Variants in TNKS observed in about 807,000 individuals in gnomAD.
The protein encoded by TNKS is tankyrase.
Under a neutral mutation model 135.8 loss-of-function variants are expected in TNKS, and 72 were observed. The observed-to-expected ratio is 0.53, with a 90% CI of 0.44 to 0.64. The LOEUF (loss-of-function observed/expected upper bound fraction) is 0.64, where lower values mean the gene tolerates loss of function less well. TNKS is among the 30% of genes least tolerant of loss of function. TNKS has a pLI of 0.00. For missense variants in TNKS, 1,769 were observed against 1,674.0 expected, an observed-to-expected ratio of 1.06 and a Z score of -0.99; for synonymous variants, 849 against 649.3, an observed-to-expected ratio of 1.31 and a Z score of -4.68.
intron 3 of TNKS, among the ~76,000 whole-genome samples, chr8:9,667,506 A>G (rs1802051238): frequency 6.6e-6 from 1 of 152,232 alleles, no homozygotes; most frequent in African/African-American, 2.4e-5. Flanking sequence ...TTATAACCAT[A>G]TCATCCTGAG....
chr8:9,777,039 TAAG>T lies in TNKS; in HGVS notation c.*306_*308del. ...TCGATCTAGACTTGGAAATGGAAAA[TAAG>T]AAAACCAATGCTTTTTCAAATGTTC... On this transcript the variant is annotated 3_prime_UTR_variant, in exon 27 of 27. Coordinates refer to ENST00000310430, the MANE Select transcript of TNKS (RefSeq NM_003747.3). 5.9e-6 allele frequency: 2 copies of T among 336,964 alleles called. No homozygotes were observed. Among genetic ancestry groups the T allele is most frequent in the South Asian group, 4.9e-5 (1 of 20,268 alleles). 20.9% of individuals were successfully genotyped at this position (336,964 alleles called of 1,614,324 possible).
chr8:9,686,528 A>G (rs969082902), intron 5 of TNKS, among the ~76,000 whole-genome samples: 2 of 152,192 alleles, frequency 1.3e-5, no homozygotes, highest in African/African-American at 2.4e-5. Flanking sequence ...AATGCTTATT[A>G]TCTATTGGGC....
At chr8:9,613,614 G>A (rs1199048164) in intron 2 of TNKS, among the ~76,000 whole-genome samples, 1 of 152,198 alleles carries the variant, frequency 6.6e-6, no homozygotes, top group Non-Finnish European at 1.5e-5. Context: ...TGCTGTAGAT[G>A]TGTCTGTGTT....
At chr8:9,703,392 C>G (rs560258514) in intron 5 of TNKS, among the ~76,000 whole-genome samples, 1 of 152,292 alleles carries the variant, frequency 6.6e-6, no homozygotes, top group Non-Finnish European at 1.5e-5. Flanking sequence ...TGTATTTTCA[C>G]AGGTTTTTCA....
At position 9,640,687 on chromosome 8, in the gene TNKS, T is replaced by C. The variant is rs900838840; in HGVS notation, c.994+25010T>C. On this transcript the variant is annotated intron_variant, in intron 3 of 26. Transcript: ENST00000310430. Reference sequence around the variant, plus strand: ...TCCTTTTGAGAAAGAAAATAGCACCTAATGTAGGAGCTGGCCTGACATAGC... The same window carrying C: ...TCCTTTTGAGAAAGAAAATAGCACCCAATGTAGGAGCTGGCCTGACATAGC... Among the ~76,000 whole-genome samples, 5 of 146,080 alleles carry C rather than the reference T, an allele frequency of 3.4e-5. 1 individual carries two copies. Among genetic ancestry groups the C allele is most frequent in the Admixed American group, 1.4e-4 (2 of 13,888 alleles).
chr8:9,650,776 C>G (rs767588984), intron 3 of TNKS, among the ~76,000 whole-genome samples: 4 of 152,116 alleles, frequency 2.6e-5, no homozygotes, highest in African/African-American at 9.7e-5. Flanking sequence ...TGTCTGTTTA[C>G]TCTGCTGATG....
At chr8:9,735,352 C>T (rs367597421) in intron 16 of TNKS, 25 bp from the exon 17 acceptor site, 2 of 1,596,534 alleles carry the variant, frequency 1.3e-6, no homozygotes, top group Middle Eastern at 1.7e-4. Context: ...TGACACGTTT[C>T]CTGTATTTTT....
chr8:9,773,163 T>G (rs1808034658), intron 26 of TNKS, among the ~76,000 whole-genome samples: 1 of 152,076 alleles, frequency 6.6e-6, no homozygotes, highest in African/African-American at 2.4e-5. Flanking sequence ...TTCTAGAAAT[T>G]TGTATTGGAA....
chr8:9,634,320 G>A (rs1800421438), intron 3 of TNKS, among the ~76,000 whole-genome samples: 1 of 152,024 alleles, frequency 6.6e-6, no homozygotes, highest in Non-Finnish European at 1.5e-5. Flanking sequence ...AAATTTGAAT[G>A]TAAGCAGAAA....
intron 18 of TNKS, among the ~76,000 whole-genome samples, chr8:9,748,953 CA>C (rs1806380999): frequency 1.3e-5 from 2 of 152,144 alleles, no homozygotes; most frequent in African/African-American, 4.8e-5. Flanking sequence ...AACTAGAAGG[CA>C]GGGGCCTCTC....
chr8:9,736,130 T>G (rs1404429427), intron 17 of TNKS, among the ~76,000 whole-genome samples: 1 of 150,296 alleles, frequency 6.7e-6, no homozygotes, highest in Non-Finnish European at 1.5e-5. Context: ...ATTTCTTAAT[T>G]CTACCTCAAG....
chr8:9,662,196 A>G (rs1216487242), intron 3 of TNKS, among the ~76,000 whole-genome samples: 1 of 152,232 alleles, frequency 6.6e-6, no homozygotes, highest in Admixed American at 6.5e-5. Context: ...GCGATTCCTC[A>G]GGGATCTAGA....
At chr8:9,773,800 T>G (rs1808079331) in intron 26 of TNKS, among the ~76,000 whole-genome samples, 2 of 152,188 alleles carry the variant, frequency 1.3e-5, no homozygotes, top group African/African-American at 4.8e-5. Context: ...CTCTTCCATA[T>G]TCAGGTATAC....
intron 1 of TNKS, among the ~76,000 whole-genome samples, chr8:9,561,207 A>C (rs1246100117): frequency 6.6e-6 from 1 of 152,192 alleles, no homozygotes; most frequent in African/African-American, 2.4e-5. Context: ...ATCATTATCT[A>C]AGTTCAGTAT....
At chr8:9,570,117 G>C (rs1797700425) in intron 1 of TNKS, among the ~76,000 whole-genome samples, 2 of 152,036 alleles carry the variant, frequency 1.3e-5, no homozygotes, top group Admixed American at 1.3e-4. Flanking sequence ...TTTTTAAGCA[G>C]ATGCCAGGTG....
At chr8:9,645,722 T>C (rs949268457) in intron 3 of TNKS, among the ~76,000 whole-genome samples, 1 of 152,214 alleles carries the variant, frequency 6.6e-6, no homozygotes, top group Non-Finnish European at 1.5e-5. Flanking sequence ...CCATCATAAG[T>C]TGAGGATCCT....
intron 5 of TNKS, among the ~76,000 whole-genome samples, chr8:9,700,792 A>G (rs1038141369): frequency 6.6e-6 from 1 of 152,184 alleles, no homozygotes; most frequent in Admixed American, 6.5e-5. Flanking sequence ...CCTTAATTAC[A>G]GAGCCTGCTA....
intron 23 of TNKS, among the ~76,000 whole-genome samples, chr8:9,765,094 G>A (rs548647782): frequency 6.6e-6 from 1 of 152,266 alleles, no homozygotes; most frequent in South Asian, 2.1e-4. Context: ...GGCCATAGCT[G>A]ACAATAATGT....
At chr8:9,721,955 A>T in intron 12 of TNKS, among the ~76,000 whole-genome samples, 1 of 151,936 alleles carries the variant, frequency 6.6e-6, no homozygotes. Flanking sequence ...CGGGAGCCTG[A>T]GGCAGGAGAA....
Sources: allele counts gnomAD v4.1 joint callset (sites outside exome capture counted in the v4.1 genomes callset), GRCh38; gene constraint gnomAD v4.1.1; transcripts MANE v1.5; gene names NCBI Gene and HGNC (gene_info 2026-07-23, HGNC 2026-07-21).